The following TEX9 variants were observed in gnomAD, a reference collection of about 807,000 sequenced individuals.
TEX9 encodes the protein testis-expressed protein 9.
TEX9 carries 74 observed loss-of-function variants against 59.6 expected under a neutral mutation model. The observed-to-expected ratio is 1.24, with a 90% CI of 1.03 to 1.51. TEX9 has a LOEUF of 1.51. Ranked by LOEUF, TEX9 falls within the 40% of genes most tolerant of loss-of-function variation. The pLI, the probability that TEX9 is intolerant of heterozygous loss-of-function variation, is 0.00. For synonymous variants in TEX9, 186 were observed against 152.2 expected, an observed-to-expected ratio of 1.22 and a Z score of -1.64; for missense variants, 522 against 447.8, an observed-to-expected ratio of 1.17 and a Z score of -1.49.
intron 1 of TEX9, among the ~76,000 whole-genome samples, chr15:56,331,273 C>G (rs994826425): frequency 3.3e-5 from 5 of 152,190 alleles, no homozygotes; most frequent in African/African-American, 1.2e-4. Flanking sequence ...AAGGAAACAT[C>G]AGACTTAGTC....
chr15:56,254,307 A>G (rs1295361032), intron 1 of TEX9, among the ~76,000 whole-genome samples: 6 of 152,078 alleles, frequency 3.9e-5, no homozygotes, highest in African/African-American at 1.4e-4. Context: ...CTACAAGCTC[A>G]GAGAGAACAG....
intron 1 of TEX9, among the ~76,000 whole-genome samples, chr15:56,316,345 CTGTT>C (rs2045762201): frequency 6.6e-6 from 1 of 152,018 alleles, no homozygotes; most frequent in African/African-American, 2.4e-5. Flanking sequence ...GTTGTCCTTT[CTGTT>C]TGTTAGTTTT....
At chr15:56,350,020 C>G (rs2046547279) in intron 1 of TEX9, among the ~76,000 whole-genome samples, 2 of 152,020 alleles carry the variant, frequency 1.3e-5, no homozygotes, top group Admixed American at 1.3e-4. Context: ...AGTGAGCTGT[C>G]CCTCCCCTGT....
chr15:56,255,830 A>G (rs1405132282), intron 1 of TEX9, among the ~76,000 whole-genome samples: 4 of 152,116 alleles, frequency 2.6e-5, no homozygotes, highest in African/African-American at 9.6e-5. Flanking sequence ...CAAGTAGGAA[A>G]AAAGTAAGGA....
At chr15:56,271,392 G>C (rs1213352436) in intron 1 of TEX9, among the ~76,000 whole-genome samples, 2 of 151,868 alleles carry the variant, frequency 1.3e-5, no homozygotes, top group African/African-American at 4.8e-5. Flanking sequence ...ATTTCATCTT[G>C]AATCACTGAT....
At chr15:56,261,654 T>G (rs1215498773) in intron 1 of TEX9, among the ~76,000 whole-genome samples, 3 of 151,782 alleles carry the variant, frequency 2.0e-5, no homozygotes, top group Admixed American at 1.3e-4. Context: ...GAAGGGGAGG[T>G]TGCAGTGAGC....
At chr15:56,329,465 C>T (rs929815487) in intron 1 of TEX9, among the ~76,000 whole-genome samples, 4 of 152,058 alleles carry the variant, frequency 2.6e-5, no homozygotes, top group East Asian at 1.9e-4. Context: ...CGGGATAAAT[C>T]GTGTGGAAAC....
At chr15:56,422,725 A>T in intron 10 of TEX9, among the ~76,000 whole-genome samples, 1 of 151,974 alleles carries the variant, frequency 6.6e-6, no homozygotes, top group Non-Finnish European at 1.5e-5. Flanking sequence ...TGTAACATAG[A>T]TTCACACTGT....
intron 9 of TEX9, among the ~76,000 whole-genome samples, chr15:56,401,605 C>T (rs1279580816): frequency 6.6e-6 from 1 of 152,054 alleles, no homozygotes; most frequent in African/African-American, 2.4e-5. Flanking sequence ...ACAAGGATAC[C>T]CAGGACTAGA....
intron 1 of TEX9, among the ~76,000 whole-genome samples, chr15:56,269,307 G>A (rs1200387192): frequency 2.0e-5 from 3 of 151,820 alleles, no homozygotes; most frequent in African/African-American, 4.8e-5. Flanking sequence ...GGGTTTTTTC[G>A]TGTCTCTATT....
intron 1 of TEX9, among the ~76,000 whole-genome samples, chr15:56,286,783 T>C (rs2044963191): frequency 6.6e-6 from 1 of 152,238 alleles, no homozygotes; most frequent in Non-Finnish European, 1.5e-5. Context: ...ATCTCGTGAC[T>C]GATGTTCAAA....
At chr15:56,246,145 T>A (rs1319700779) in intron 1 of TEX9, among the ~76,000 whole-genome samples, 1 of 151,776 alleles carries the variant, frequency 6.6e-6, no homozygotes, top group Non-Finnish European at 1.5e-5. Context: ...CTTCTGAGAG[T>A]TTTTAATGGG....
At chr15:56,251,688 A>G (rs1211804247) in intron 1 of TEX9, among the ~76,000 whole-genome samples, 1 of 152,164 alleles carries the variant, frequency 6.6e-6, no homozygotes, top group Non-Finnish European at 1.5e-5. Flanking sequence ...GAGGGCTTAA[A>G]GAAGATAAGA....
chr15:56,251,743 G>A (rs1270163866), intron 1 of TEX9, among the ~76,000 whole-genome samples: 1 of 152,080 alleles, frequency 6.6e-6, no homozygotes, highest in Non-Finnish European at 1.5e-5. Flanking sequence ...GGGAATGATA[G>A]AAGCTGAGTA....
chr15:56,411,060 G>GA (rs1331435844), intron 9 of TEX9, among the ~76,000 whole-genome samples: 1 of 152,212 alleles, frequency 6.6e-6, no homozygotes, highest in African/African-American at 2.4e-5. Flanking sequence ...ATATAGCCAG[G>GA]AAAAAATTAT....
At chr15:56,375,034 T>G (rs2047369424) in intron 3 of TEX9, among the ~76,000 whole-genome samples, 1 of 152,044 alleles carries the variant, frequency 6.6e-6, no homozygotes, top group South Asian at 2.1e-4. Context: ...CTCTTTGATA[T>G]ATTGATTTCT....
intron 1 of TEX9, among the ~76,000 whole-genome samples, chr15:56,349,766 C>CT (rs2046541226): frequency 6.6e-6 from 1 of 151,014 alleles, no homozygotes; most frequent in Admixed American, 6.6e-5. Context: ...TATATACACA[C>CT]GTGTATATAC....
chr15:56,405,406 T>C (rs2049029369), intron 9 of TEX9, among the ~76,000 whole-genome samples: 1 of 152,260 alleles, frequency 6.6e-6, no homozygotes. Flanking sequence ...AAACTGTGTC[T>C]GACACCAAAG....
intron 1 of TEX9, among the ~76,000 whole-genome samples, chr15:56,304,217 C>T (rs560726028): frequency 6.6e-6 from 1 of 152,236 alleles, no homozygotes; most frequent in African/African-American, 2.4e-5. Flanking sequence ...TCTTCCTTTC[C>T]AATTTGGACG....
Sources: gnomAD v4.1 joint callset for allele counts (sites outside exome capture counted in the v4.1 genomes callset) on GRCh38, gnomAD v4.1.1 for gene constraint, MANE v1.5 for transcripts, NCBI Gene and HGNC (gene_info 2026-07-23, HGNC 2026-07-21) for gene names.